The following SGCD variants were observed in gnomAD, a reference collection of about 807,000 sequenced individuals.
SGCD encodes the protein delta-sarcoglycan.
In SGCD, 18 loss-of-function variants were observed where a neutral mutation model predicts 36.6. That is an observed-to-expected ratio of 0.49 (90% CI 0.34 to 0.73). SGCD has a LOEUF of 0.73. Among genes scored for constraint, SGCD ranks in the 30% least tolerant of loss-of-function variants. The pLI is 0.01. For synonymous variants in SGCD, 133 were observed against 130.6 expected (o/e 1.02, Z -0.12); for missense variants, 387 against 346.7 (o/e 1.12, Z -0.92).
chr5:156,229,277 C>CATATATATATATATAT lies in SGCD; in HGVS notation c.-43-100249_-43-100234dup, dbSNP rs570200528. Among the ~76,000 whole-genome samples the CATATATATATATATAT allele has an allele frequency of 1.3e-3, 73 of 56,440 alleles. 5 individuals are homozygous for CATATATATATATATAT. Among genetic ancestry groups the CATATATATATATATAT allele is most frequent in the East Asian group, 4.0e-3 (13 of 3,288 alleles). 37.0% of individuals were successfully genotyped at this position (56,440 alleles called of 152,430 possible). On this transcript the variant is annotated intron_variant, in intron 3 of 9. Coordinates refer to the SGCD transcript ENST00000517913. Reference sequence around the variant, plus strand: ...ACATACATACATATATATATACATACATATATATATATATATATATATAAA... The same window carrying CATATATATATATATAT: ...ACATACATACATATATATATACATACATATATATATATATATATATATATATATATATATATATAAA...
the SGCD span, among the ~76,000 whole-genome samples, chr5:155,790,369 C>G: frequency 6.6e-6 from 1 of 152,034 alleles, no homozygotes; most frequent in African/African-American, 2.4e-5. Flanking sequence ...AAAACTTAAA[C>G]TTCCAGAGAA....
the SGCD span, among the ~76,000 whole-genome samples, chr5:155,759,287 T>C: frequency 6.6e-6 from 1 of 152,210 alleles, no homozygotes; most frequent in Non-Finnish European, 1.5e-5. Context: ...TTCAGTTATA[T>C]AACATGTAGA....
At chr5:156,495,621 G>A (rs540384350) in intron 3 of SGCD, among the ~76,000 whole-genome samples, 22 of 152,226 alleles carry the variant, frequency 1.4e-4, no homozygotes, top group African/African-American at 5.3e-4. Context: ...CATCTTAATC[G>A]GACTTTACTG....
chr5:156,001,956 T>G (rs1236005332), intron 1 of SGCD, among the ~76,000 whole-genome samples: 1 of 152,214 alleles, frequency 6.6e-6, no homozygotes, highest in Admixed American at 6.5e-5. Context: ...CTGGTTTACC[T>G]CACATTGAGA....
At chr5:156,462,621 A>G (rs1387539724) in intron 3 of SGCD, among the ~76,000 whole-genome samples, 3 of 152,220 alleles carry the variant, frequency 2.0e-5, no homozygotes, top group Non-Finnish European at 2.9e-5. Context: ...GTGGATTTTG[A>G]CTGGCTAGCA....
chr5:155,980,038 A>G (rs977510905), intron 1 of SGCD, among the ~76,000 whole-genome samples: 4 of 152,100 alleles, frequency 2.6e-5, no homozygotes, highest in Non-Finnish European at 4.4e-5. Flanking sequence ...GGATATAGAG[A>G]CCAGAGCTCT....
chr5:156,285,736 G>A (rs2127675178), intron 3 of SGCD, among the ~76,000 whole-genome samples: 1 of 152,218 alleles, frequency 6.6e-6, no homozygotes, highest in East Asian at 1.9e-4. Flanking sequence ...AGAAAACCTA[G>A]GCAATACCAT....
intron 1 of SGCD, among the ~76,000 whole-genome samples, chr5:156,030,748 C>G (rs1759330863): frequency 6.6e-6 from 1 of 151,960 alleles, no homozygotes; most frequent in Non-Finnish European, 1.5e-5. Flanking sequence ...TGGGGGGGCC[C>G]TGGGTCTTGA....
intron 3 of SGCD, among the ~76,000 whole-genome samples, chr5:156,487,398 C>T (rs1319325997): frequency 1.3e-5 from 2 of 152,206 alleles, no homozygotes; most frequent in African/African-American, 4.8e-5. Flanking sequence ...GAAAAATCCA[C>T]TGTTACACCA....
At chr5:156,207,553 G>C (rs1273592620) in intron 3 of SGCD, among the ~76,000 whole-genome samples, 2 of 152,118 alleles carry the variant, frequency 1.3e-5, no homozygotes, top group Non-Finnish European at 2.9e-5. Context: ...TTGATCTAGA[G>C]TTTTAAAAAT....
At chr5:155,813,201 T>C in the SGCD span, among the ~76,000 whole-genome samples, 1 of 152,036 alleles carries the variant, frequency 6.6e-6, no homozygotes, top group Non-Finnish European at 1.5e-5. Context: ...AGGTATGGGA[T>C]GCTATGTAGC....
At chr5:155,857,979 T>C in the SGCD span, among the ~76,000 whole-genome samples, 1 of 152,244 alleles carries the variant, frequency 6.6e-6, no homozygotes, top group East Asian at 1.9e-4. Flanking sequence ...TCTCTTTTTC[T>C]GCATTTTTTT....
At chr5:156,105,863 A>G (rs1761632801) in intron 1 of SGCD, among the ~76,000 whole-genome samples, 1 of 152,034 alleles carries the variant, frequency 6.6e-6, no homozygotes, top group African/African-American at 2.4e-5. Context: ...CTGTAATCCC[A>G]GCACTTTGGG....
chr5:156,374,714 T>C (rs1580892188), intron 3 of SGCD, among the ~76,000 whole-genome samples: 1 of 141,434 alleles, frequency 7.1e-6, no homozygotes, highest in Non-Finnish European at 1.5e-5. Context: ...CAGGCTGGAG[T>C]GCAGTGGTGC....
intron 1 of SGCD, among the ~76,000 whole-genome samples, chr5:156,044,776 C>A (rs932017825): frequency 2.0e-5 from 3 of 152,062 alleles, no homozygotes; most frequent in South Asian, 2.1e-4. Context: ...CTCAGAGAAG[C>A]AAAATTAAAA....
chr5:155,955,642 G>A (rs1247154098), intron 1 of SGCD, among the ~76,000 whole-genome samples: 10 of 152,050 alleles, frequency 6.6e-5, no homozygotes, highest in Admixed American at 5.9e-4. Context: ...TATTTCTGTT[G>A]CGTGTTTGTG....
intron 7 of SGCD, among the ~76,000 whole-genome samples, chr5:156,713,486 T>C (rs1755089511): frequency 6.6e-6 from 1 of 152,046 alleles, no homozygotes; most frequent in Non-Finnish European, 1.5e-5. Flanking sequence ...ATGAAACCTC[T>C]CAGGTAGCAG....
chr5:156,297,792 AAATAAAT>A (rs1385666858), intron 3 of SGCD, among the ~76,000 whole-genome samples: 8 of 57,358 alleles, frequency 1.4e-4, no homozygotes, highest in African/African-American at 1.2e-3. Flanking sequence ...TATAATAAAA[AAATAAAT>A]AAATAAATAA....
intron 3 of SGCD, among the ~76,000 whole-genome samples, chr5:156,287,099 A>G (rs976476802): frequency 1.3e-5 from 2 of 152,194 alleles, no homozygotes; most frequent in East Asian, 3.8e-4. Context: ...AACAAGTGTT[A>G]TCAGGGCTTG....
Sources: gnomAD v4.1 joint callset for allele counts (sites outside exome capture counted in the v4.1 genomes callset) on GRCh38, gnomAD v4.1.1 for gene constraint, MANE v1.5 for transcripts, NCBI Gene and HGNC (gene_info 2026-07-23, HGNC 2026-07-21) for gene names.